The following SV2B variants were observed in gnomAD, a reference collection of about 807,000 sequenced individuals.
SV2B encodes the protein synaptic vesicle glycoprotein 2B.
SV2B carries 41 observed loss-of-function variants against 73.9 expected under a neutral mutation model. The ratio of observed to expected loss-of-function variants is 0.56; its 90% CI spans 0.43 to 0.72. The LOEUF (loss-of-function observed/expected upper bound fraction) is 0.72. Among genes scored for constraint, SV2B ranks in the 30% least tolerant of loss-of-function variants. The pLI is 0.00. For missense variants in SV2B, 764 were observed against 857.8 expected, an observed-to-expected ratio of 0.89 and a Z score of 1.37; for synonymous variants, 314 against 314.2, an observed-to-expected ratio of 1.00 and a Z score of 0.01.
At chr15:91,255,615 T>C (rs746726771) in intron 4 of SV2B, among the ~76,000 whole-genome samples, 1 of 152,110 alleles carries the variant, frequency 6.6e-6, no homozygotes, top group African/African-American at 2.4e-5. Flanking sequence ...CAATAACCTA[T>C]GGAAATAAAA....
intron 1 of SV2B, among the ~76,000 whole-genome samples, chr15:91,163,155 T>G (rs12591767): frequency 0.47 from 71,387 of 151,990 alleles, 17,085 homozygotes; most frequent in East Asian, 0.7. Context: ...TCTTAATCCA[T>G]TCTATCATTG....
chr15:91,256,344 G>T (rs992279078), intron 4 of SV2B, among the ~76,000 whole-genome samples: 91 of 152,268 alleles, frequency 6.0e-4, no homozygotes, highest in African/African-American at 2.2e-3. Flanking sequence ...CACCATAAAA[G>T]CCATAGAGGC....
chr15:91,299,411 T>C lies in SV2B; in HGVS notation c.*6859T>C, dbSNP rs2049364639. On this transcript the variant is annotated 3_prime_UTR_variant, in exon 13 of 13. Coordinates refer to ENST00000394232, the MANE Select transcript of SV2B (RefSeq NM_001323032.3). ...TATGATCTATTTATTGATATTCTAATGGTTTTAAGAAGGATAATTTTCCAA... is the reference window on the plus strand; with the variant it reads ...TATGATCTATTTATTGATATTCTAACGGTTTTAAGAAGGATAATTTTCCAA... The C allele has an allele frequency of 6.6e-6, 1 of 152,224 alleles. No individual in the cohort carries two copies. Among genetic ancestry groups the C allele is most frequent in the Non-Finnish European group, 1.5e-5 (1 of 68,040 alleles). The allele number at this position is 152,224 out of a possible 1,614,324, so 9.4% of individuals were successfully genotyped here.
chr15:91,172,490 C>T (rs1187058790), intron 1 of SV2B, among the ~76,000 whole-genome samples: 1 of 152,206 alleles, frequency 6.6e-6, no homozygotes, highest in Non-Finnish European at 1.5e-5. Flanking sequence ...ACCATGTCTT[C>T]TTCTTCTGGC....
At position 91,258,434 on chromosome 15, in the gene SV2B, C is replaced by G; in HGVS notation, c.798C>G (p.Ser266Arg). The stretch of plus-strand genomic sequence containing the variant: ...GCTCCTTTGCAGGCTGGGGCTTCAG[C>G]ATGGGGACCAATTACCACTTCCATA... ...SIIPHYGWGF[S>R]MGTNYHFHSW... Residue 266 changes from serine (S) to arginine (R), a missense_variant, in exon 5 of 13, where the codon AGC becomes AGG. Physicochemically the swap from Ser to Arg is moderately radical, Grantham distance 110. Coordinates refer to ENST00000394232, the MANE Select transcript of SV2B (RefSeq NM_001323032.3). The surrounding 1 kb of genome is among the most constrained non-coding windows in gnomAD (Gnocchi z 4.7). 6.2e-7 allele frequency: 1 copy of G among 1,614,078 alleles called. No individual in the cohort carries two copies. The highest frequency in any genetic ancestry group is 8.5e-7 in the Non-Finnish European group (1 of 1,179,970).
At position 91,280,434 on chromosome 15, in the gene SV2B, A is replaced by C. The variant is rs2048648070; in HGVS notation, c.1374-1294A>C. On this transcript the variant is annotated intron_variant, in intron 9 of 12. Transcript: ENST00000394232. The surrounding 1 kb of genome is among the most constrained non-coding windows in gnomAD (Gnocchi z 5.8). ...CAGGGACCATGACTTTCCTCTCTATACTCATAGCACCTAGTACCATGCTCA... is the reference window on the plus strand; with the variant it reads ...CAGGGACCATGACTTTCCTCTCTATCCTCATAGCACCTAGTACCATGCTCA... Among the ~76,000 whole-genome samples, 1 of 152,192 alleles carries C rather than the reference A, an allele frequency of 6.6e-6. No individual in the cohort carries two copies. Among genetic ancestry groups the C allele is most frequent in the Non-Finnish European group, 1.5e-5 (1 of 68,024 alleles).
At chr15:91,125,781 C>CAAAAAA (rs200016125) in intron 1 of SV2B, among the ~76,000 whole-genome samples, 2 of 57,074 alleles carry the variant, frequency 3.5e-5, no homozygotes, top group African/African-American at 6.4e-5. Flanking sequence ...TCTCAAGGGG[C>CAAAAAA]AAAAAAAAAA....
At position 91,244,042 on chromosome 15, in the gene SV2B, A is replaced by T. The variant is rs575054692; in HGVS notation, c.452-7777A>T. 6.4e-4 allele frequency among the ~76,000 whole-genome samples: 98 copies of T among 152,290 alleles called. 1 individual carries two copies. Among genetic ancestry groups the T allele is most frequent in the African/African-American group, 1.9e-3 (77 of 41,548 alleles). ...TGTATCTTTCTTCATGGGCTATGTC[A>T]TAATTTGGGGCATTGGTGACTCACT... On this transcript the variant is annotated intron_variant, in intron 2 of 12. Coordinates refer to ENST00000394232, the MANE Select transcript of SV2B (RefSeq NM_001323032.3).
At chr15:91,160,195 G>A (rs1263800628) in intron 1 of SV2B, among the ~76,000 whole-genome samples, 2 of 152,096 alleles carry the variant, frequency 1.3e-5, no homozygotes, top group African/African-American at 4.8e-5. Context: ...TTATCTTTTT[G>A]GAAAGGTGGG....
At position 91,121,720 on chromosome 15, in the gene SV2B, C is replaced by T. The variant is rs2042340676; in HGVS notation, c.-392+21357C>T. ...TGCCCAGGGAATTAATTCCTTTACA[C>T]CACTCCTTTCCCCTTCGCGCTCACC... On this transcript the variant is annotated intron_variant, in intron 1 of 12. Coordinates refer to ENST00000394232, the MANE Select transcript of SV2B (RefSeq NM_001323032.3). The surrounding 1 kb of genome is among the most constrained non-coding windows in gnomAD (Gnocchi z 4.4). 1.3e-5 allele frequency among the ~76,000 whole-genome samples: 2 copies of T among 151,906 alleles called. No homozygotes were observed. The highest frequency in any genetic ancestry group is 4.1e-4 in the South Asian group (2 of 4,822).
At chr15:91,145,645 G>A (rs1184962653) in intron 1 of SV2B, among the ~76,000 whole-genome samples, 2 of 152,152 alleles carry the variant, frequency 1.3e-5, no homozygotes, top group Non-Finnish European at 2.9e-5. Context: ...AACCTCAGCA[G>A]TATCTGTTAT....
Position 91,267,220 on chromosome 15 carries a change from C to T in SV2B, c.1120-335C>T, listed in dbSNP as rs28414859. On this transcript the variant is annotated intron_variant, in intron 7 of 12. Transcript: ENST00000394232. The surrounding 1 kb of genome is among the most constrained non-coding windows in gnomAD (Gnocchi z 4.3). The stretch of plus-strand genomic sequence containing the variant: ...TATGGTCAGTAAATGTTTGCAATAT[C>T]CCCCTTGCCCACAGGCAGGGAGTAG... Among the ~76,000 whole-genome samples the T allele has an allele frequency of 0.045, 6,824 of 152,240 alleles. 378 individuals are homozygous for T. Among genetic ancestry groups the T allele is most frequent in the African/African-American group, 0.12 (5,181 of 41,514 alleles).
chr15:91,199,607 T>C (rs745454871), intron 1 of SV2B, among the ~76,000 whole-genome samples: 6 of 152,180 alleles, frequency 3.9e-5, no homozygotes, highest in Non-Finnish European at 8.8e-5. Flanking sequence ...GCAGTGGTGC[T>C]CCTTTGCATT....
chr15:91,189,829 A>G (rs2044933885), intron 1 of SV2B, among the ~76,000 whole-genome samples: 1 of 152,238 alleles, frequency 6.6e-6, no homozygotes, highest in South Asian at 2.1e-4. Context: ...TCTACTAAAA[A>G]TACAATAAAT....
At position 91,293,537 on chromosome 15, in the gene SV2B, T is replaced by C. The variant is rs577279396; in HGVS notation, c.*985T>C. On this transcript the variant is annotated 3_prime_UTR_variant, in exon 13 of 13. Coordinates refer to ENST00000394232, the MANE Select transcript of SV2B (RefSeq NM_001323032.3). Reference sequence around the variant, plus strand: ...CACAGATGACTTGTGAAACTCAAGCTCACCATCTTCAGTGCTGGCATTTTA... The same window carrying C: ...CACAGATGACTTGTGAAACTCAAGCCCACCATCTTCAGTGCTGGCATTTTA... The C allele has an allele frequency of 2.0e-5, 3 of 152,340 alleles. No individual in the cohort carries two copies. Among genetic ancestry groups the C allele is most frequent in the Admixed American group, 6.5e-5 (1 of 15,300 alleles). The allele number at this position is 152,340 out of a possible 1,614,324, so 9.4% of individuals were successfully genotyped here.
intron 2 of SV2B, among the ~76,000 whole-genome samples, chr15:91,248,520 A>G (rs1182448210): frequency 1.3e-5 from 2 of 152,216 alleles, no homozygotes; most frequent in Admixed American, 6.5e-5. Flanking sequence ...TAGTTCAGTA[A>G]TCGGTTTATA....
intron 1 of SV2B, among the ~76,000 whole-genome samples, chr15:91,142,897 A>G (rs1220824395): frequency 3.3e-5 from 5 of 152,246 alleles, no homozygotes; most frequent in African/African-American, 4.8e-5. Context: ...TATAAAAATA[A>G]AGTTTAGCAT....
rs376197442 is a variant in SV2B at position 91,110,916 on chromosome 15, A to G, written c.-392+10553A>G. 1.2e-3 allele frequency among the ~76,000 whole-genome samples: 189 copies of G among 152,006 alleles called. 4 individuals are homozygous for G. The South Asian group carries it at 0.036, about 29-fold the overall frequency. ...AGCTATAGGGTAGCAATGTAAAGGCAGTAGCTTGAAACTTAAGGCAAAGAA... is the reference window on the plus strand; with the variant it reads ...AGCTATAGGGTAGCAATGTAAAGGCGGTAGCTTGAAACTTAAGGCAAAGAA... On this transcript the variant is annotated intron_variant, in intron 1 of 12. Transcript: ENST00000394232. This position sits in a 1 kb window ranked among gnomAD's most constrained non-coding sequence, Gnocchi z 5.4.
intron 1 of SV2B, among the ~76,000 whole-genome samples, chr15:91,202,579 G>T (rs984885296): frequency 5.3e-5 from 8 of 152,166 alleles, no homozygotes; most frequent in South Asian, 4.1e-4. Context: ...CCTATAAAAA[G>T]CTGAGAACAG....
Sources: gnomAD v4.1 joint callset for allele counts (sites outside exome capture counted in the v4.1 genomes callset) on GRCh38, gnomAD v4.1.1 for gene constraint, Gnocchi (gnomAD v3.1) non-coding constraint, MANE v1.5 for transcripts, NCBI Gene and HGNC (gene_info 2026-07-23, HGNC 2026-07-21) for gene names.